Variants in CDH4 observed in about 807,000 individuals in gnomAD.
The protein encoded by CDH4 is cadherin 4, also known as cadherin-4.
A neutral mutation model predicts 86.0 loss-of-function variants in CDH4; 33 were observed. The observed-to-expected ratio is 0.38, with a 90% CI of 0.29 to 0.51. The LOEUF (loss-of-function observed/expected upper bound fraction) is 0.51. Among genes scored for constraint, CDH4 ranks in the 20% least tolerant of loss-of-function variants. CDH4 has a pLI of 0.86. For missense variants in CDH4, 1,114 were observed against 1,307.4 expected, an observed-to-expected ratio of 0.85 and a Z score of 2.28; for synonymous variants, 555 against 549.4, an observed-to-expected ratio of 1.01 and a Z score of -0.14.
rs1985034121 is a variant in CDH4 at position 61,894,957 on chromosome 20, A to G, written c.1098A>G (p.Gly366=). ...TCGTTCAGGCCACAGATATGGAAGGAAATCTCAACTATGGCCTCTCAAACA... is the reference window on the plus strand; with the variant it reads ...TCGTTCAGGCCACAGATATGGAAGGGAATCTCAACTATGGCCTCTCAAACA... ...TVIVQATDME[G]NLNYGLSNTA... Residue 366 remains glycine, a synonymous_variant, in exon 8 of 16, where the codon GGA becomes GGG. Transcript: ENST00000614565. 1 of 1,613,834 alleles carries G rather than the reference A, an allele frequency of 6.2e-7. No individual in the cohort carries two copies. The highest frequency in any genetic ancestry group is 1.1e-5 in the South Asian group (1 of 91,086).
At chr20:61,763,833 C>T (rs1044229299) in intron 3 of CDH4, among the ~76,000 whole-genome samples, 1 of 152,070 alleles carries the variant, frequency 6.6e-6, no homozygotes, top group South Asian at 2.1e-4. Flanking sequence ...TGCGTGGATT[C>T]GAGAATAAAA....
At chr20:61,551,197 G>A (rs2086127181) in intron 2 of CDH4, among the ~76,000 whole-genome samples, 1 of 152,196 alleles carries the variant, frequency 6.6e-6, no homozygotes, top group Non-Finnish European at 1.5e-5. Context: ...TAATAAATAT[G>A]TAGTTATTAT....
At chr20:61,850,877 AAGG>A (rs1319563284) in intron 5 of CDH4, among the ~76,000 whole-genome samples, 1 of 152,260 alleles carries the variant, frequency 6.6e-6, no homozygotes, top group African/African-American at 2.4e-5. Flanking sequence ...GGAGTGGGAC[AAGG>A]AGGACACAGG....
chr20:61,786,271 C>G (rs546977089), intron 4 of CDH4, among the ~76,000 whole-genome samples: 4 of 152,256 alleles, frequency 2.6e-5, no homozygotes, highest in African/African-American at 9.6e-5. Flanking sequence ...GGGGCGGCTA[C>G]ACATGTGCAC....
chr20:61,934,196 C>T lies in CDH4; in HGVS notation c.2520C>T (p.Gly840=), dbSNP rs369738755. The T allele has an allele frequency of 2.7e-5, 42 of 1,574,040 alleles. No homozygotes were observed. The East Asian group carries it at 3.0e-4, about 11-fold the overall frequency. Residue 840 remains glycine, a synonymous_variant, in exon 15 of 16, where the codon GGC becomes GGT. Transcript: ENST00000614565. ...TCAGGCCCATGGTGCCGCACCCAGGCGACATCGGTGACTTCATCAATGAGG... is the reference window on the plus strand; with the variant it reads ...TCAGGCCCATGGTGCCGCACCCAGGTGACATCGGTGACTTCATCAATGAGG... The part of the protein sequence containing the change: ...YPIRPMVPHP[G]DIGDFINEGL...
intron 2 of CDH4, among the ~76,000 whole-genome samples, chr20:61,673,536 T>C (rs966322124): frequency 6.6e-6 from 1 of 152,206 alleles, no homozygotes; most frequent in Admixed American, 6.5e-5. Context: ...AGGTCTGATA[T>C]TCCGTGGGAG....
At chr20:61,509,060 T>C (rs2085761420) in intron 2 of CDH4, among the ~76,000 whole-genome samples, 3 of 151,924 alleles carry the variant, frequency 2.0e-5, no homozygotes, top group African/African-American at 7.3e-5. Flanking sequence ...AGGTGTGGGG[T>C]TCACTGTGCC....
rs1980372380 is a variant in CDH4, at chr20:61,810,389, C to T, written c.577-34279C>T. On this transcript the variant is annotated intron_variant, in intron 4 of 15. Coordinates refer to ENST00000614565, the MANE Select transcript of CDH4 (RefSeq NM_001794.5). This position sits in a 1 kb window ranked among gnomAD's most constrained non-coding sequence, Gnocchi z 4.3. ...GTGCCATTACCAGGACTCTTCCCAG[C>T]AAAAACTGCCCTCGGCCAAGTTTCT... Among the ~76,000 whole-genome samples, 1 of 152,240 alleles carries T rather than the reference C, an allele frequency of 6.6e-6. No individual in the cohort carries two copies. The highest frequency in any genetic ancestry group is 2.1e-4 in the South Asian group (1 of 4,834).
In CDH4 at chr20:61,308,193, T is replaced by G. The variant is rs138566692; in HGVS notation, c.169+53256T>G. ...TTATGGCCCCACGTGAGCCTCTTGG[T>G]TTTGAATGTATGTAGCATACATTGA... On this transcript the variant is annotated intron_variant, in intron 2 of 15. Transcript: ENST00000614565. Among the ~76,000 whole-genome samples the G allele has an allele frequency of 3.3e-5, 5 of 152,320 alleles. No homozygotes were observed. The East Asian group carries it at 9.6e-4, about 29-fold the overall frequency.
intron 11 of CDH4, among the ~76,000 whole-genome samples, chr20:61,926,973 C>T (rs1481375084): frequency 7.7e-6 from 1 of 129,210 alleles, no homozygotes; most frequent in Non-Finnish European, 1.7e-5. Context: ...CCGGGGTGCA[C>T]AGGCTGGAGC....
intron 3 of CDH4, among the ~76,000 whole-genome samples, chr20:61,762,905 G>C (rs2088653859): frequency 6.6e-6 from 1 of 152,236 alleles, no homozygotes; most frequent in South Asian, 2.1e-4. Context: ...CTTGACCATG[G>C]CAACAGCCAG....
chr20:61,444,527 G>A (rs1600686603), intron 2 of CDH4, among the ~76,000 whole-genome samples: 1 of 151,906 alleles, frequency 6.6e-6, no homozygotes, highest in African/African-American at 2.4e-5. Flanking sequence ...GTGTGTTTTT[G>A]TGTATCCGTA....
chr20:61,312,764 C>G, intron 2 of CDH4, among the ~76,000 whole-genome samples: 1 of 152,134 alleles, frequency 6.6e-6, no homozygotes, highest in Admixed American at 6.5e-5. Flanking sequence ...GTATGATGAC[C>G]CCTTCCAGAA....
rs552123115 is a variant in CDH4, at chr20:61,405,166, C to T, written c.169+150229C>T. ...GTGGATGTGGAGAGGTCCTCCATCC[C>T]CTCCTTTCGACCCTGCCTCCCTCCC... On this transcript the variant is annotated intron_variant, in intron 2 of 15. Coordinates refer to ENST00000614565, the MANE Select transcript of CDH4 (RefSeq NM_001794.5). Among the ~76,000 whole-genome samples, 7 of 152,060 alleles carry T rather than the reference C, an allele frequency of 4.6e-5. No individual in the cohort carries two copies. In the South Asian group the frequency reaches 1.5e-3, roughly 32 times the overall value.
intron 8 of CDH4, among the ~76,000 whole-genome samples, chr20:61,900,678 G>A (rs933361285): frequency 4.6e-5 from 7 of 152,160 alleles, no homozygotes; most frequent in African/African-American, 1.4e-4. Context: ...CGGTGCTTCC[G>A]CCAGTCTCTC....
chr20:61,889,247 T>C (rs894036409), intron 7 of CDH4, among the ~76,000 whole-genome samples: 36 of 152,284 alleles, frequency 2.4e-4, no homozygotes, highest in African/African-American at 8.2e-4. Flanking sequence ...AGCTTCCTTA[T>C]TGGTTGGTTG....
intron 7 of CDH4, among the ~76,000 whole-genome samples, chr20:61,886,571 C>T (rs1388281767): frequency 2.0e-5 from 3 of 152,226 alleles, no homozygotes; most frequent in South Asian, 2.1e-4. Flanking sequence ...TCCCGCTGCC[C>T]GCCCAGACAC....
At chr20:61,513,085 G>A (rs994066525) in intron 2 of CDH4, among the ~76,000 whole-genome samples, 12 of 152,194 alleles carry the variant, frequency 7.9e-5, no homozygotes, top group African/African-American at 1.4e-4. Flanking sequence ...TGGAAACCTT[G>A]TGGGATTTTG....
In CDH4 at chr20:61,773,056, C is replaced by T. The variant is rs2088795667; in HGVS notation, c.450C>T (p.Asp150=). 6.2e-7 allele frequency: 1 copy of T among 1,613,678 alleles called. No individual in the cohort carries two copies. Among genetic ancestry groups the T allele is most frequent in the African/African-American group, 1.3e-5 (1 of 74,936 alleles). Residue 150 remains aspartate, a synonymous_variant, in exon 4 of 16, where the codon GAC becomes GAT. Coordinates refer to ENST00000614565, the MANE Select transcript of CDH4 (RefSeq NM_001794.5). ...VALDPSPPPK[D]TLLPWPQHQN... ...TGGACCCCTCTCCGCCTCCGAAGGA[C>T]ACCCTGCTGCCGTGGCCCCAGCACC...
Sources: allele counts gnomAD v4.1 joint callset (sites outside exome capture counted in the v4.1 genomes callset), GRCh38; gene constraint gnomAD v4.1.1; non-coding constraint Gnocchi (gnomAD v3.1); transcripts MANE v1.5; gene names NCBI Gene and HGNC (gene_info 2026-07-23, HGNC 2026-07-21).